ZFPM2: variants seen among roughly 807,000 people sequenced by gnomAD.
ZFPM2 encodes zinc finger protein ZFPM2.
In ZFPM2, 20 loss-of-function variants were observed where a neutral mutation model predicts 98.6. The ratio of observed to expected loss-of-function variants is 0.20; its 90% CI spans 0.14 to 0.29. The LOEUF is 0.29. Among genes scored for constraint, ZFPM2 ranks in the 10% least tolerant of loss-of-function variants. The pLI is 1.00. For missense variants in ZFPM2, 1,310 were observed against 1,388.6 expected (o/e 0.94, Z 0.90); for synonymous variants, 518 against 502.7 (o/e 1.03, Z -0.41).
intron 5 of ZFPM2, among the ~76,000 whole-genome samples, chr8:105,677,216 C>T (rs1810492125): frequency 6.8e-6 from 1 of 147,668 alleles, no homozygotes; most frequent in African/African-American, 2.5e-5. Context: ...GAAATCATGT[C>T]TTTTTTTTTT....
chr8:105,617,611 T>C (rs1586152939), intron 4 of ZFPM2, among the ~76,000 whole-genome samples: 3 of 152,228 alleles, frequency 2.0e-5, no homozygotes, highest in South Asian at 2.1e-4. Flanking sequence ...CAAAGTATAA[T>C]GTGATGAGGC....
chr8:105,536,138 T>C (rs1393562662), intron 3 of ZFPM2, among the ~76,000 whole-genome samples: 1 of 152,200 alleles, frequency 6.6e-6, no homozygotes, highest in Non-Finnish European at 1.5e-5. Context: ...GAATAAATTA[T>C]GTATTATTTA....
At chr8:105,370,454 T>C (rs1170213974) in intron 1 of ZFPM2, among the ~76,000 whole-genome samples, 1 of 152,174 alleles carries the variant, frequency 6.6e-6, no homozygotes, top group Non-Finnish European at 1.5e-5. Context: ...GGAAAAACAT[T>C]GAATGGAGGT....
intron 3 of ZFPM2, among the ~76,000 whole-genome samples, chr8:105,546,684 C>A (rs2130644099): frequency 6.6e-6 from 1 of 152,048 alleles, no homozygotes; most frequent in East Asian, 1.9e-4. Context: ...GTCTCATGTT[C>A]ATGACAAACT....
chr8:105,510,490 G>A (rs1418961740), intron 3 of ZFPM2, among the ~76,000 whole-genome samples: 2 of 150,840 alleles, frequency 1.3e-5, no homozygotes, highest in African/African-American at 4.9e-5. Flanking sequence ...TGAAATGATA[G>A]CAAACACCAT....
intron 1 of ZFPM2, among the ~76,000 whole-genome samples, chr8:105,378,731 AG>A (rs1342502131): frequency 1.3e-5 from 2 of 152,204 alleles, no homozygotes; most frequent in Non-Finnish European, 1.5e-5. Flanking sequence ...GTATGTTTTT[AG>A]GTTTAGAGAG....
chr8:105,550,255 T>C (rs1286479414), intron 3 of ZFPM2, among the ~76,000 whole-genome samples: 1 of 152,170 alleles, frequency 6.6e-6, no homozygotes, highest in Non-Finnish European at 1.5e-5. Flanking sequence ...CTTCAGGCAC[T>C]CACATTCTGC....
At chr8:105,403,470 T>C (rs190831812) in intron 1 of ZFPM2, among the ~76,000 whole-genome samples, 74 of 152,254 alleles carry the variant, frequency 4.9e-4, no homozygotes, top group Admixed American at 7.9e-4. Flanking sequence ...TCTTTTCTTA[T>C]GTTTTGTTTA....
At chr8:105,485,519 A>G (rs1444769497) in intron 3 of ZFPM2, among the ~76,000 whole-genome samples, 2 of 152,092 alleles carry the variant, frequency 1.3e-5, no homozygotes, top group Admixed American at 6.6e-5. Flanking sequence ...CTCTATCTCT[A>G]TAAAAGAAAG....
chr8:105,675,980 T>G (rs1309038312), intron 5 of ZFPM2: 2 of 152,202 alleles, frequency 1.3e-5, no homozygotes, highest in African/African-American at 2.4e-5. Flanking sequence ...TTTCCGTGGC[T>G]TGAGATCCCA....
chr8:105,751,422 T>G (rs1812472907), intron 5 of ZFPM2, among the ~76,000 whole-genome samples: 1 of 152,080 alleles, frequency 6.6e-6, no homozygotes, highest in Non-Finnish European at 1.5e-5. Context: ...CATTAAACAA[T>G]AACACATCCT....
chr8:105,349,713 C>T (rs951606769), intron 1 of ZFPM2, among the ~76,000 whole-genome samples: 1 of 152,114 alleles, frequency 6.6e-6, no homozygotes, highest in Non-Finnish European at 1.5e-5. Context: ...TGTGTACTGA[C>T]CCCAATTTCT....
chr8:105,431,255 G>A (rs1812014741), intron 2 of ZFPM2, among the ~76,000 whole-genome samples: 1 of 152,090 alleles, frequency 6.6e-6, no homozygotes, highest in Non-Finnish European at 1.5e-5. Flanking sequence ...GAAGCCTCTG[G>A]TTTGTTGTCA....
intron 5 of ZFPM2, among the ~76,000 whole-genome samples, chr8:105,686,959 C>T (rs1218313426): frequency 1.3e-5 from 2 of 152,132 alleles, no homozygotes; most frequent in Non-Finnish European, 2.9e-5. Flanking sequence ...CCCAGGCTCC[C>T]CTCTTCCTTC....
intron 4 of ZFPM2, among the ~76,000 whole-genome samples, chr8:105,621,028 A>G (rs992514503): frequency 2.0e-5 from 3 of 152,184 alleles, no homozygotes; most frequent in Admixed American, 6.6e-5. Flanking sequence ...TTTTGGTTCC[A>G]TATGAAATTT....
At chr8:105,595,098 G>A (rs1346664072) in intron 4 of ZFPM2, among the ~76,000 whole-genome samples, 1 of 152,118 alleles carries the variant, frequency 6.6e-6, no homozygotes, top group African/African-American at 2.4e-5. Flanking sequence ...TTTAGAAAAG[G>A]ACAAAAATCA....
intron 5 of ZFPM2, chr8:105,662,864 T>A (rs1817418549): frequency 6.6e-6 from 1 of 152,142 alleles, no homozygotes; most frequent in Non-Finnish European, 1.5e-5. Context: ...GATGGCTAGT[T>A]TTTGGTGTGC....
chr8:105,331,830 T>C (rs1812239461), intron 1 of ZFPM2, among the ~76,000 whole-genome samples: 1 of 151,756 alleles, frequency 6.6e-6, no homozygotes, highest in South Asian at 2.1e-4. Context: ...GGTAACAATA[T>C]AAAATAGGAA....
chr8:105,788,311 A>C (rs1447206118), intron 5 of ZFPM2, among the ~76,000 whole-genome samples: 2 of 152,188 alleles, frequency 1.3e-5, no homozygotes, highest in African/African-American at 2.4e-5. Flanking sequence ...TTTTACTTTC[A>C]TAAAATATAG....
Sources: gnomAD v4.1 joint callset for allele counts (sites outside exome capture counted in the v4.1 genomes callset) on GRCh38, gnomAD v4.1.1 for gene constraint, MANE v1.5 for transcripts, NCBI Gene and HGNC (gene_info 2026-07-23, HGNC 2026-07-21) for gene names.